Variants in TDRD12 observed in about 807,000 individuals in gnomAD.
TDRD12 encodes the protein tudor domain containing 12, also known as putative ATP-dependent RNA helicase TDRD12.
A neutral mutation model predicts 133.5 loss-of-function variants in TDRD12; 158 were observed. The ratio of observed to expected loss-of-function variants is 1.18; its 90% CI spans 1.04 to 1.35. TDRD12 has a LOEUF of 1.35. TDRD12 is among the 40% of genes most tolerant of loss of function. The pLI is 0.00. For missense variants in TDRD12, 1,443 were observed against 1,321.3 expected, an observed-to-expected ratio of 1.09 and a Z score of -1.43; for synonymous variants, 460 against 477.9, an observed-to-expected ratio of 0.96 and a Z score of 0.49.
chr19:32,812,203 C>T (rs1176282230), intron 24 of TDRD12, among the ~76,000 whole-genome samples: 3 of 151,860 alleles, frequency 2.0e-5, no homozygotes, highest in Non-Finnish European at 2.9e-5. Flanking sequence ...CCTTGCAGAC[C>T]TGTGCTGAGG....
chr19:32,798,095 A>G (rs963418766), intron 15 of TDRD12, among the ~76,000 whole-genome samples: 1 of 152,198 alleles, frequency 6.6e-6, no homozygotes, highest in Non-Finnish European at 1.5e-5. Flanking sequence ...CGTCTGCTTC[A>G]CTGAGAAAAC....
intron 21 of TDRD12, among the ~76,000 whole-genome samples, chr19:32,805,611 C>G (rs2145713812): frequency 6.6e-6 from 1 of 152,144 alleles, no homozygotes; most frequent in South Asian, 2.1e-4. Flanking sequence ...ACCAGTATTA[C>G]ACTTTGTTAT....
intron 2 of TDRD12, among the ~76,000 whole-genome samples, chr19:32,734,947 C>T (rs962822769): frequency 1.3e-5 from 2 of 152,104 alleles, no homozygotes; most frequent in Non-Finnish European, 2.9e-5. Context: ...CCACGAATTG[C>T]ACCCATGTAA....
chr19:32,813,674 C>A lies in TDRD12; in HGVS notation c.3049-10C>A. Reference sequence around the variant, plus strand: ...GCCTCACCTAAAATAATGTTAAGTGCTTTTTTCAGGTTACTAGGTACATTC... The same window carrying A: ...GCCTCACCTAAAATAATGTTAAGTGATTTTTTCAGGTTACTAGGTACATTC... On this transcript the variant is annotated splice_polypyrimidine_tract_variant and intron_variant, in intron 24 of 27. Transcript: ENST00000444215. The A allele has an allele frequency of 6.7e-7, 1 of 1,487,198 alleles. No homozygotes were observed. The highest frequency in any genetic ancestry group is 9.0e-7 in the Non-Finnish European group (1 of 1,106,732). 92.1% of individuals were successfully genotyped at this position (1,487,198 alleles called of 1,614,324 possible). A position where few individuals can be genotyped will look rare whatever the true frequency, so the allele number is the denominator to read the frequency against.
At chr19:32,829,172 A>C (rs1568505563) in exon 10 of TDRD12, 1 of 152,272 alleles carries the variant, frequency 6.6e-6, no homozygotes. Flanking sequence ...GCCGCCGTCC[A>C]GTGGCGCCCC....
intron 16 of TDRD12, among the ~76,000 whole-genome samples, chr19:32,799,217 TTAC>T (rs1418683355): frequency 1.3e-5 from 2 of 150,690 alleles, no homozygotes; most frequent in African/African-American, 5.0e-5. Flanking sequence ...CCAGGCTTTG[TTAC>T]TGACTATGAG....
chr19:32,813,599 G>GA, intron 24 of TDRD12, 85 bp from the exon 25 acceptor site: 2 of 718,792 alleles, frequency 2.8e-6, no homozygotes, highest in Non-Finnish European at 4.6e-6. Flanking sequence ...GAAATGCATG[G>GA]AATATTTTGC....
chr19:32,805,161 GTTATATA>G (rs1263170851), intron 21 of TDRD12, among the ~76,000 whole-genome samples: 2 of 136,724 alleles, frequency 1.5e-5, no homozygotes, highest in East Asian at 2.1e-4. Context: ...TATTATATAT[GTTATATA>G]TTATATATAT....
chr19:32,772,758 G>A (rs1406016719), exon 9 of TDRD12: 1 of 1,498,196 alleles, frequency 6.7e-7, no homozygotes, highest in East Asian at 2.6e-5. Flanking sequence ...TGCAGACAAA[G>A]CTGTAAAATG....
intron 6 of TDRD12, among the ~76,000 whole-genome samples, chr19:32,752,549 G>A (rs994434246): frequency 2.6e-5 from 4 of 152,040 alleles, no homozygotes; most frequent in East Asian, 1.9e-4. Flanking sequence ...TTAATTATTC[G>A]ATAATTTGTA....
intron 8 of TDRD12, among the ~76,000 whole-genome samples, chr19:32,763,221 C>T (rs930985708): frequency 3.9e-5 from 6 of 152,046 alleles, no homozygotes; most frequent in Non-Finnish European, 8.8e-5. Context: ...CCTCTTTTGA[C>T]TTTGCTCTTT....
chr19:32,814,074 C>A (rs796913498), intron 25 of TDRD12, among the ~76,000 whole-genome samples: 2 of 152,238 alleles, frequency 1.3e-5, no homozygotes, highest in African/African-American at 4.8e-5. Context: ...ATGCTACATT[C>A]TCTGATGCTG....
At chr19:32,749,428 T>TG (rs2145514815) in intron 5 of TDRD12, among the ~76,000 whole-genome samples, 1 of 152,272 alleles carries the variant, frequency 6.6e-6, no homozygotes, top group African/African-American at 2.4e-5. Context: ...GTGGCAGTGA[T>TG]GCTGCTGCTG....
chr19:32,794,125 A>G (rs4805810), intron 13 of TDRD12, among the ~76,000 whole-genome samples: 39,467 of 76,804 alleles, frequency 0.51, 7,882 homozygotes, highest in East Asian at 0.59. Flanking sequence ...TTTTTTTTTG[A>G]GATGGAGTCT....
chr19:32,723,524 C>T (rs1300707018), intron 1 of TDRD12, among the ~76,000 whole-genome samples: 1 of 152,108 alleles, frequency 6.6e-6, no homozygotes, highest in Non-Finnish European at 1.5e-5. Context: ...GCTGGGATTA[C>T]AAGCATGAGC....
At chr19:32,760,827 T>C (rs1970129105) in intron 8 of TDRD12, among the ~76,000 whole-genome samples, 1 of 152,196 alleles carries the variant, frequency 6.6e-6, no homozygotes, top group South Asian at 2.1e-4. Context: ...TCTCAATAAA[T>C]TTTTTATTTT....
At chr19:32,746,007 A>ACG (rs1969606025) in intron 4 of TDRD12, among the ~76,000 whole-genome samples, 1 of 143,550 alleles carries the variant, frequency 7.0e-6, no homozygotes, top group Non-Finnish European at 1.5e-5. Context: ...TGTGAGAGAG[A>ACG]GAAGGAGAGA....
intron 11 of TDRD12, among the ~76,000 whole-genome samples, chr19:32,786,494 C>T (rs2145647031): frequency 6.6e-6 from 1 of 152,296 alleles, no homozygotes; most frequent in Non-Finnish European, 1.5e-5. Context: ...GGGAAGTTCT[C>T]CTGGATAATA....
intron 2 of TDRD12, among the ~76,000 whole-genome samples, chr19:32,735,685 G>A (rs1056212504): frequency 6.6e-6 from 1 of 152,132 alleles, no homozygotes; most frequent in Non-Finnish European, 1.5e-5. Context: ...AATAGGAGAA[G>A]TCAGCCAGGT....
Sources: allele counts gnomAD v4.1 joint callset (sites outside exome capture counted in the v4.1 genomes callset), GRCh38; gene constraint gnomAD v4.1.1; transcripts MANE v1.5; gene names NCBI Gene and HGNC (gene_info 2026-07-23, HGNC 2026-07-21).